Variants in NKAIN2 observed in about 807,000 individuals in gnomAD.
NKAIN2 encodes the protein sodium/potassium transporting ATPase interacting 2.
NKAIN2 carries 14 observed loss-of-function variants against 32.6 expected under a neutral mutation model. The ratio of observed to expected loss-of-function variants is 0.43; its 90% CI spans 0.28 to 0.67. The LOEUF is 0.67. Ranked by LOEUF, NKAIN2 falls within the 30% of genes least tolerant of loss-of-function variation. NKAIN2 has a pLI of 0.17. For missense variants in NKAIN2, 198 were observed against 258.3 expected (o/e 0.77, Z 1.60); for synonymous variants, 80 against 87.2 (o/e 0.92, Z 0.46).
intron 1 of NKAIN2, among the ~76,000 whole-genome samples, chr6:124,278,302 G>C (rs1361473066): frequency 6.6e-6 from 1 of 152,152 alleles, no homozygotes; most frequent in South Asian, 2.1e-4. Context: ...GTTTAACAAA[G>C]TATGAACTTA....
intron 3 of NKAIN2, among the ~76,000 whole-genome samples, chr6:124,610,175 A>G (rs1782639660): frequency 6.6e-6 from 1 of 152,180 alleles, no homozygotes; most frequent in African/African-American, 2.4e-5. Flanking sequence ...ATGTATTATA[A>G]TTATTGATTG....
intron 3 of NKAIN2, among the ~76,000 whole-genome samples, chr6:124,641,680 T>A (rs1398851951): frequency 2.6e-5 from 4 of 151,452 alleles, no homozygotes; most frequent in Admixed American, 6.6e-5. Flanking sequence ...GCCTCATGAG[T>A]AGCTGGGACT....
At position 124,534,500 on chromosome 6, in the gene NKAIN2, C is replaced by T. The variant is rs557806564; in HGVS notation, c.274-123686C>T. On this transcript the variant is annotated intron_variant, in intron 3 of 6. Transcript: ENST00000368417. ...ATTTTTTAAGTTGAAACTAGCCCAA[C>T]GCCTTGTGGGGATCAATGCTGGTTA... Among the ~76,000 whole-genome samples, 4 of 152,324 alleles carry T rather than the reference C, an allele frequency of 2.6e-5. No homozygotes were observed. The South Asian group carries it at 6.2e-4, about 24-fold the overall frequency.
At chr6:124,601,425 T>C (rs1782303162) in intron 3 of NKAIN2, among the ~76,000 whole-genome samples, 6 of 152,100 alleles carry the variant, frequency 3.9e-5, no homozygotes, top group Admixed American at 3.9e-4. Context: ...ATTAATCAGC[T>C]TGTCTGAGAC....
chr6:124,364,250 A>AAAAGAG (rs3054409), intron 3 of NKAIN2, among the ~76,000 whole-genome samples: 2,127 of 139,718 alleles, frequency 0.015, 78 homozygotes, highest in African/African-American at 0.054. Flanking sequence ...AAAAAAAAAA[A>AAAAGAG]AGAGAGAAAA....
intron 1 of NKAIN2, among the ~76,000 whole-genome samples, chr6:124,101,754 T>G (rs1784902238): frequency 6.6e-6 from 1 of 152,176 alleles, no homozygotes; most frequent in African/African-American, 2.4e-5. Context: ...GATGCCACGC[T>G]GGGCTCATGA....
In NKAIN2 at chr6:124,283,079, T is replaced by C. The variant is rs749791118; in HGVS notation, c.129T>C (p.His43=). ...QWAPILANFV[H]IIIVILGLFG... is the part of the protein sequence containing the mutation. ...CACCTATCCTGGCAAATTTTGTACA[T>C]ATTATTATCGTCATTCTTGGTTTGT... The change falls in exon 2 of 7, where the codon CAT becomes CAC. Residue 43 remains histidine (H), a synonymous_variant. Coordinates refer to ENST00000368417, the MANE Select transcript of NKAIN2 (RefSeq NM_001040214.3). 1.2e-6 allele frequency: 2 copies of C among 1,610,486 alleles called. No individual in the cohort carries two copies. Among genetic ancestry groups the C allele is most frequent in the African/African-American group, 1.3e-5 (1 of 74,960 alleles).
At chr6:124,379,625 T>C (rs1292346372) in intron 3 of NKAIN2, among the ~76,000 whole-genome samples, 2 of 152,116 alleles carry the variant, frequency 1.3e-5, no homozygotes, top group Non-Finnish European at 2.9e-5. Flanking sequence ...AAGTGGAAGC[T>C]TACCTGACTG....
chr6:124,704,929 G>T (rs952434339), intron 4 of NKAIN2, among the ~76,000 whole-genome samples: 3 of 151,912 alleles, frequency 2.0e-5, no homozygotes, highest in Non-Finnish European at 4.4e-5. Context: ...TGGAAAAATG[G>T]AAACTTTCTG....
intron 5 of NKAIN2, among the ~76,000 whole-genome samples, chr6:124,817,673 G>T (rs1047848848): frequency 3.3e-5 from 5 of 152,270 alleles, no homozygotes; most frequent in African/African-American, 1.2e-4. Context: ...ATGGGAGGAA[G>T]GTCAAAGTCA....
chr6:123,845,960 A>T lies in NKAIN2; in HGVS notation c.54+41706A>T, dbSNP rs540180736. Among the ~76,000 whole-genome samples the T allele has an allele frequency of 2.6e-5, 4 of 152,270 alleles. No homozygotes were observed. The South Asian group carries it at 8.3e-4, about 32-fold the overall frequency. ...TCTTTAAATACTCTATATTTTTATT[A>T]CATGAACACTTTACCGGGTCTCTCT... On this transcript the variant is annotated intron_variant, in intron 1 of 6. Coordinates refer to ENST00000368417, the MANE Select transcript of NKAIN2 (RefSeq NM_001040214.3).
chr6:124,001,800 A>AATATGTATATATATAT (rs1208005298), intron 1 of NKAIN2, among the ~76,000 whole-genome samples: 33 of 135,124 alleles, frequency 2.4e-4, no homozygotes, highest in African/African-American at 9.1e-4. Context: ...CTTAGTTCTA[A>AATATGTATATATATAT]ATATATATAT....
chr6:124,224,134 C>T (rs1281057127), intron 1 of NKAIN2, among the ~76,000 whole-genome samples: 1 of 152,100 alleles, frequency 6.6e-6, no homozygotes, highest in Non-Finnish European at 1.5e-5. Flanking sequence ...TACATGACTA[C>T]ATATTCTGCA....
intron 4 of NKAIN2, among the ~76,000 whole-genome samples, chr6:124,730,072 A>G (rs1208513783): frequency 1.0e-5 from 1 of 95,254 alleles, no homozygotes; most frequent in African/African-American, 4.0e-5. Flanking sequence ...ATACAAACAA[A>G]TGGAAGAACA....
intron 1 of NKAIN2, among the ~76,000 whole-genome samples, chr6:124,034,400 C>G (rs1781524591): frequency 6.6e-6 from 1 of 152,062 alleles, no homozygotes; most frequent in African/African-American, 2.4e-5. Flanking sequence ...TGATAATTCA[C>G]TTAGGATAAT....
rs1788970427 is a variant in NKAIN2 at position 124,172,981 on chromosome 6, G to A, written c.55-110024G>A. Among the ~76,000 whole-genome samples, 5 of 152,100 alleles carry A rather than the reference G, an allele frequency of 3.3e-5. No homozygotes were observed. The South Asian group carries it at 1.0e-3, about 32-fold the overall frequency. On this transcript the variant is annotated intron_variant, in intron 1 of 6. Coordinates refer to ENST00000368417, the MANE Select transcript of NKAIN2 (RefSeq NM_001040214.3). ...TGGAATTGCCTCATATACACTCAAAGCTTTCCATTTAAGCAATTTAGTGAC... is the reference window on the plus strand; with the variant it reads ...TGGAATTGCCTCATATACACTCAAAACTTTCCATTTAAGCAATTTAGTGAC...
chr6:124,037,259 G>A (rs1265096939), intron 1 of NKAIN2, among the ~76,000 whole-genome samples: 1 of 152,116 alleles, frequency 6.6e-6, no homozygotes, highest in Non-Finnish European at 1.5e-5. Flanking sequence ...AGAAGATTTG[G>A]AAATGTTTTT....
At chr6:123,857,459 C>T (rs2114970776) in intron 1 of NKAIN2, among the ~76,000 whole-genome samples, 1 of 151,946 alleles carries the variant, frequency 6.6e-6, no homozygotes, top group Non-Finnish European at 1.5e-5. Flanking sequence ...AAACATGCAA[C>T]TATGTTTTTT....
At chr6:124,284,952 A>C (rs1795470488) in intron 2 of NKAIN2, among the ~76,000 whole-genome samples, 4 of 152,076 alleles carry the variant, frequency 2.6e-5, no homozygotes, top group Admixed American at 2.0e-4. Flanking sequence ...TTATTATCTC[A>C]TCCTTTTGAA....
Sources: gnomAD v4.1 joint callset for allele counts (sites outside exome capture counted in the v4.1 genomes callset) on GRCh38, gnomAD v4.1.1 for gene constraint, MANE v1.5 for transcripts, NCBI Gene and HGNC (gene_info 2026-07-23, HGNC 2026-07-21) for gene names.